ZFAND5: variants seen among roughly 807,000 people sequenced by gnomAD.
ZFAND5 encodes the protein AN1-type zinc finger protein 5.
ZFAND5 carries 4 observed loss-of-function variants against 23.6 expected under a neutral mutation model. The observed-to-expected ratio is 0.17, with a 90% CI of 0.08 to 0.39. The LOEUF (loss-of-function observed/expected upper bound fraction) is 0.39, where lower values mean the gene tolerates loss of function less well. Among genes scored for constraint, ZFAND5 ranks in the 10% least tolerant of loss-of-function variants. ZFAND5 has a pLI of 1.00. For synonymous variants in ZFAND5, 68 were observed against 80.6 expected (o/e 0.84, Z 0.84); for missense variants, 161 against 253.7 (o/e 0.63, Z 2.48).
intron 1 of ZFAND5, chr9:72,364,312 T>A: frequency 8.3e-6 from 6 of 722,910 alleles, no homozygotes; most frequent in Non-Finnish European, 1.1e-5. Context: ...AGGGGAGAGC[T>A]AGGGGGGGCT....
rs1308012514 is a variant in ZFAND5, at chr9:72,364,819, T to C, written c.-270A>G. The C allele has an allele frequency of 5.6e-6, 1 of 179,108 alleles. No individual in the cohort carries two copies. Among genetic ancestry groups the C allele is most frequent in the Non-Finnish European group, 1.1e-5 (1 of 90,398 alleles). The allele number at this position is 179,108 out of a possible 1,614,324, so 11.1% of individuals were successfully genotyped here. ...GCCGCCGCCGCGGGCCGGGAGCGGG[T>C]CGGAGCAGCAGGCGGAGGTGGCGCC... On this transcript the variant is annotated 5_prime_UTR_variant, in exon 1 of 7. Coordinates refer to ENST00000376962, the MANE Select transcript of ZFAND5 (RefSeq NM_001102420.3).
chr9:72,360,463 A>G (rs2131981573), intron 3 of ZFAND5, 165 bp downstream of exon 3: 1 of 975,546 alleles, frequency 1.0e-6, no homozygotes, highest in East Asian at 2.4e-5. Context: ...GTAGATAGTC[A>G]TTCATTCCTG....
intron 5 of ZFAND5, among the ~76,000 whole-genome samples, chr9:72,358,609 T>C (rs140992560): frequency 8.3e-4 from 127 of 152,218 alleles, no homozygotes; most frequent in African/African-American, 2.2e-3. Flanking sequence ...ATGCCAAATA[T>C]AGATTCACCT....
At chr9:72,357,649 ATT>A (rs935285332) in intron 5 of ZFAND5, among the ~76,000 whole-genome samples, 21 of 152,132 alleles carry the variant, frequency 1.4e-4, no homozygotes, top group African/African-American at 4.3e-4. Flanking sequence ...GACTTGAAAG[ATT>A]TTTTTAAACC....
In ZFAND5 at chr9:72,360,642, C is replaced by G; in HGVS notation, c.137G>C (p.Arg46Thr). The change falls in exon 3 of 7, where the codon AGA becomes ACA. Residue 46 changes from arginine to threonine, a missense_variant. Transcript: ENST00000376962. The part of the protein sequence containing the change: ...EHLQRQQNSG[R>T]MSPMGTASGS... ...AAATAACTTACCCATTGGGCTCATT[C>G]TGCCACTATTTTGCTGCCTCTGAAG... 3.1e-6 allele frequency: 5 copies of G among 1,613,936 alleles called. No homozygotes were observed. Among genetic ancestry groups the G allele is most frequent in the Non-Finnish European group, 4.2e-6 (5 of 1,179,890 alleles).
rs185821923 is a variant in ZFAND5 at position 72,360,066 on chromosome 9, T to C, written c.263+44A>G. 2.0e-6 allele frequency: 3 copies of C among 1,530,340 alleles called. No homozygotes were observed. In the Admixed American group the frequency reaches 5.4e-5, roughly 28 times the overall value. The allele number at this position is 1,530,340 out of a possible 1,614,324, so 94.8% of individuals were successfully genotyped here. A position where few individuals can be genotyped will look rare whatever the true frequency, so the allele number is the denominator to read the frequency against. ...TTGGACCAGTACAGACATCTTGATTTCTTCTTTGTAATATCATAAAAACTC... is the reference window on the plus strand; with the variant it reads ...TTGGACCAGTACAGACATCTTGATTCCTTCTTTGTAATATCATAAAAACTC... On this transcript the variant is annotated intron_variant, in intron 4 of 6. Transcript: ENST00000376962.
chr9:72,360,037 A>C (rs1267744271), intron 4 of ZFAND5, 73 bp downstream of exon 4: 2 of 1,276,456 alleles, frequency 1.6e-6, no homozygotes, highest in Non-Finnish European at 2.2e-6. Context: ...CTATTAACTT[A>C]TTATTGGACC....
chr9:72,363,703 G>C (rs549542425), intron 1 of ZFAND5, 97 bp from the exon 2 acceptor site: 1 of 948,704 alleles, frequency 1.1e-6, no homozygotes, highest in Non-Finnish European at 1.3e-6. Context: ...AGATAAAATT[G>C]CAGTATTTTC....
rs1002901496 is a variant in ZFAND5 at position 72,359,398 on chromosome 9, G to T, written c.367+20C>A. On this transcript the variant is annotated intron_variant, in intron 5 of 6. Transcript: ENST00000376962. ...CACTATCAAATTCAGAACTGAACAAGTATTAAATGAAAAACATACCTGGCT... is the reference window on the plus strand; with the variant it reads ...CACTATCAAATTCAGAACTGAACAATTATTAAATGAAAAACATACCTGGCT... The T allele has an allele frequency of 3.1e-6, 5 of 1,608,482 alleles. No homozygotes were observed. The highest frequency in any genetic ancestry group is 4.2e-6 in the Non-Finnish European group (5 of 1,177,198).
intron 4 of ZFAND5, 127 bp downstream of exon 4, chr9:72,359,983 G>A (rs1386419330): frequency 2.9e-6 from 2 of 699,752 alleles, no homozygotes; most frequent in East Asian, 5.5e-5. Flanking sequence ...TAAGAGTCAT[G>A]TATTAAAAGA....
In ZFAND5 at chr9:72,353,124, G is replaced by A. The variant is rs1319081224; in HGVS notation, c.*2829C>T. ...GTGGTCACAGCCTAACAAAACTTCA[G>A]GTCATGGGGGTGTAAATATTTGTCT... On this transcript the variant is annotated 3_prime_UTR_variant, in exon 7 of 7. Coordinates refer to ENST00000376962, the MANE Select transcript of ZFAND5 (RefSeq NM_001102420.3). 3 of 152,232 alleles carry A rather than the reference G, an allele frequency of 2.0e-5. No individual in the cohort carries two copies. The highest frequency in any genetic ancestry group is 7.2e-5 in the African/African-American group (3 of 41,452). The allele number at this position is 152,232 out of a possible 1,614,324, so 9.4% of individuals were successfully genotyped here.
At chr9:72,364,242 C>T in intron 1 of ZFAND5, 1 of 361,246 alleles carries the variant, frequency 2.8e-6, no homozygotes, top group South Asian at 2.6e-5. Flanking sequence ...GCCAGCCCTT[C>T]GCCTGCAGGC....
At position 72,364,202 on chromosome 9, in the gene ZFAND5, G is replaced by A. The variant is rs11143279; in HGVS notation, c.-147+494C>T. On this transcript the variant is annotated intron_variant, in intron 1 of 6. Transcript: ENST00000376962. ...CAGGGCCCTCTCCGAAAACCACTGA[G>A]TCATGCAGAACAGCAGCTCAGCAGG... 2.6e-4 allele frequency: 69 copies of A among 261,512 alleles called. No individual in the cohort carries two copies. In the East Asian group the frequency reaches 0.011, roughly 43 times the overall value. The allele number at this position is 261,512 out of a possible 1,614,324, so 16.2% of individuals were successfully genotyped here.
chr9:72,361,605 A>G (rs899458289), intron 2 of ZFAND5, among the ~76,000 whole-genome samples: 1 of 152,266 alleles, frequency 6.6e-6, no homozygotes, highest in African/African-American at 2.4e-5. Context: ...TATTAAAGTC[A>G]ATATATACAC....
At chr9:72,356,407 TG>T (rs1371302342) in intron 6 of ZFAND5, among the ~76,000 whole-genome samples, 2 of 152,174 alleles carry the variant, frequency 1.3e-5, no homozygotes, top group African/African-American at 4.8e-5. Flanking sequence ...GAAAACAAAA[TG>T]GGCTATCTGC....
intron 1 of ZFAND5, 118 bp downstream of exon 1, chr9:72,364,578 C>G: frequency 8.0e-7 from 1 of 1,252,660 alleles, no homozygotes; most frequent in South Asian, 1.3e-5. Flanking sequence ...CCCCGGACGC[C>G]GCCATCCGCG....
intron 3 of ZFAND5, 84 bp from the exon 4 acceptor site, chr9:72,360,305 T>G: frequency 8.6e-7 from 1 of 1,164,088 alleles, no homozygotes; most frequent in Non-Finnish European, 1.3e-6. Flanking sequence ...AATACTTGCA[T>G]TTAATTAGGT....
intron 4 of ZFAND5, 30 bp downstream of exon 4, chr9:72,360,080 T>C: frequency 1.3e-6 from 2 of 1,564,398 alleles, no homozygotes; most frequent in Non-Finnish European, 1.8e-6. Context: ...CTTTGTAATA[T>C]CATAAAAACT....
intron 1 of ZFAND5, chr9:72,364,424 GC>G: frequency 7.9e-7 from 1 of 1,259,138 alleles, no homozygotes; most frequent in Non-Finnish European, 1.0e-6. Flanking sequence ...CTAGAGGCCG[GC>G]CCCGCAGAGG....
Sources: allele counts gnomAD v4.1 joint callset (sites outside exome capture counted in the v4.1 genomes callset), GRCh38; gene constraint gnomAD v4.1.1; transcripts MANE v1.5; gene names NCBI Gene and HGNC (gene_info 2026-07-23, HGNC 2026-07-21).